Variants in EFHC1 observed in about 807,000 individuals in gnomAD.
The protein encoded by EFHC1 is EF-hand domain containing 1, also known as EF-hand domain-containing protein 1.
A neutral mutation model predicts 69.9 loss-of-function variants in EFHC1; 53 were observed. The ratio of observed to expected loss-of-function variants is 0.76; its 90% CI spans 0.61 to 0.95. The LOEUF (loss-of-function observed/expected upper bound fraction) is 0.95. Ranked by LOEUF, EFHC1 falls within the 40% of genes least tolerant of loss-of-function variation. The pLI is 0.00. For synonymous variants in EFHC1, 256 were observed against 278.4 expected, an observed-to-expected ratio of 0.92 and a Z score of 0.80; for missense variants, 739 against 798.7, an observed-to-expected ratio of 0.93 and a Z score of 0.90.
chr6:52,428,128 A>G (rs530567887), intron 2 of EFHC1: 2 of 152,262 alleles, frequency 1.3e-5, no homozygotes, highest in East Asian at 1.9e-4. Context: ...TTTTCTTTCT[A>G]CGTAACAATC....
chr6:52,469,318 C>T lies in EFHC1; in HGVS notation c.1138-15C>T. On this transcript the variant is annotated splice_polypyrimidine_tract_variant and intron_variant, in intron 6 of 10. Coordinates refer to ENST00000371068, the MANE Select transcript of EFHC1 (RefSeq NM_018100.4). Reference sequence around the variant, plus strand: ...GTAGTATCTGCCTTACTTCTTGCTTCCTATGTATCTCCAGGAGTTGCCTCC... The same window carrying T: ...GTAGTATCTGCCTTACTTCTTGCTTTCTATGTATCTCCAGGAGTTGCCTCC... 6.2e-7 allele frequency: 1 copy of T among 1,613,830 alleles called. No homozygotes were observed. The highest frequency in any genetic ancestry group is 8.5e-7 in the Non-Finnish European group (1 of 1,179,864).
chr6:52,491,491 A>G (rs1377661918), intron 10 of EFHC1, among the ~76,000 whole-genome samples: 2 of 152,204 alleles, frequency 1.3e-5, no homozygotes, highest in African/African-American at 4.8e-5. Flanking sequence ...CTTACTCCTC[A>G]TGAGCTGAGT....
chr6:52,441,217 T>C (rs1764655872), intron 3 of EFHC1, among the ~76,000 whole-genome samples: 1 of 152,200 alleles, frequency 6.6e-6, no homozygotes, highest in South Asian at 2.1e-4. Context: ...CCCATTCCTA[T>C]GTTTAGAATA....
chr6:52,437,589 G>C (rs1034455219), intron 2 of EFHC1: 3 of 152,262 alleles, frequency 2.0e-5, no homozygotes, highest in Non-Finnish European at 2.9e-5. Flanking sequence ...CCAAGATCAA[G>C]GTGCCAGCTG....
chr6:52,462,409 T>TA (rs1266418837), intron 5 of EFHC1, among the ~76,000 whole-genome samples: 4 of 151,718 alleles, frequency 2.6e-5, no homozygotes, highest in Non-Finnish European at 5.9e-5. Context: ...ATTAAAATAT[T>TA]AAGAAATTAA....
chr6:52,453,417 T>C, intron 4 of EFHC1: 1 of 1,287,172 alleles, frequency 7.8e-7, no homozygotes, highest in Non-Finnish European at 1.0e-6. Flanking sequence ...TCCCTTTCTG[T>C]ACTAAAGGGA....
chr6:52,443,441 A>G (rs1764709578), intron 3 of EFHC1, among the ~76,000 whole-genome samples: 1 of 152,088 alleles, frequency 6.6e-6, no homozygotes, highest in Non-Finnish European at 1.5e-5. Flanking sequence ...TAAGTCTTTA[A>G]TCCATCTTGA....
chr6:52,494,641 A>T lies in EFHC1; in HGVS notation c.*2300A>T, dbSNP rs1239682031. On this transcript the variant is annotated 3_prime_UTR_variant, in exon 11 of 11. Transcript: ENST00000371068. ...CAGGTTTGTTACATGAGTATATTGC[A>T]CCCAGGTAGTGAGCATAGTGCCCAG... The T allele has an allele frequency of 2.2e-6, 1 of 453,876 alleles. No homozygotes were observed. Among genetic ancestry groups the T allele is most frequent in the African/African-American group, 2.0e-5 (1 of 49,960 alleles). 28.1% of individuals were successfully genotyped at this position (453,876 alleles called of 1,614,324 possible). A position where few individuals can be genotyped will look rare whatever the true frequency, so the allele number is the denominator to read the frequency against.
chr6:52,460,203 A>G (rs912436859), intron 5 of EFHC1, among the ~76,000 whole-genome samples: 69 of 152,366 alleles, frequency 4.5e-4, no homozygotes, highest in Admixed American at 1.2e-3. Context: ...CTACTAAAAA[A>G]CAAAACAATT....
rs1404876760 is a variant in EFHC1 at position 52,441,384 on chromosome 6, T to C, written c.573+2793T>C. Reference sequence around the variant, plus strand: ...CACCTTTCCCCATTGCTTATTTTTGTCAACTTTGTTGAAGATCACATAATT... The same window carrying C: ...CACCTTTCCCCATTGCTTATTTTTGCCAACTTTGTTGAAGATCACATAATT... On this transcript the variant is annotated intron_variant, in intron 3 of 10. Coordinates refer to ENST00000371068, the MANE Select transcript of EFHC1 (RefSeq NM_018100.4). Among the ~76,000 whole-genome samples the C allele has an allele frequency of 2.0e-5, 3 of 152,184 alleles. No individual in the cohort carries two copies. The East Asian group carries it at 5.8e-4, about 29-fold the overall frequency.
chr6:52,464,759 G>A, intron 5 of EFHC1, 136 bp from the exon 6 acceptor site: 1 of 701,050 alleles, frequency 1.4e-6, no homozygotes, highest in Non-Finnish European at 2.5e-6. Context: ...TGGGAATGTT[G>A]GGGAGACCCT....
chr6:52,476,245 C>T (rs1765543545), intron 7 of EFHC1, among the ~76,000 whole-genome samples: 1 of 152,194 alleles, frequency 6.6e-6, no homozygotes, highest in African/African-American at 2.4e-5. Context: ...TCTGTTTCTT[C>T]TTATTATCAT....
At chr6:52,472,543 A>T (rs1315657832) in intron 7 of EFHC1, among the ~76,000 whole-genome samples, 1 of 152,156 alleles carries the variant, frequency 6.6e-6, no homozygotes, top group Admixed American at 6.5e-5. Flanking sequence ...AGCATCAAAA[A>T]TATTAAATTC....
intron 9 of EFHC1, 31 bp downstream of exon 9, chr6:52,479,818 C>T (rs758091663): frequency 3.1e-6 from 5 of 1,612,564 alleles, no homozygotes; most frequent in African/African-American, 1.3e-5. Flanking sequence ...GTTTGGCACA[C>T]TCAAGATATT....
chr6:52,495,966 G>A lies in EFHC1; in HGVS notation c.*3625G>A, dbSNP rs537272207. Reference sequence around the variant, plus strand: ...CTGTTTATACAAAGCAGCAAGTATAGGAGCCACAAACGTCAGAGCAAATCA... The same window carrying A: ...CTGTTTATACAAAGCAGCAAGTATAAGAGCCACAAACGTCAGAGCAAATCA... On this transcript the variant is annotated 3_prime_UTR_variant, in exon 11 of 11. Transcript: ENST00000371068. 2 of 228,730 alleles carry A rather than the reference G, an allele frequency of 8.7e-6. No homozygotes were observed. Among genetic ancestry groups the A allele is most frequent in the Admixed American group, 1.0e-4 (2 of 19,414 alleles). The allele number at this position is 228,730 out of a possible 1,614,324, so 14.2% of individuals were successfully genotyped here. A position where few individuals can be genotyped will look rare whatever the true frequency, so the allele number is the denominator to read the frequency against.
intron 3 of EFHC1, among the ~76,000 whole-genome samples, chr6:52,448,328 G>T (rs1182597861): frequency 6.6e-6 from 1 of 152,230 alleles, no homozygotes; most frequent in African/African-American, 2.4e-5. Flanking sequence ...ACGCTGCTGT[G>T]CTAGCAGTGA....
chr6:52,432,198 T>C (rs1562444701), intron 2 of EFHC1, among the ~76,000 whole-genome samples: 2 of 152,212 alleles, frequency 1.3e-5, no homozygotes, highest in Non-Finnish European at 2.9e-5. Context: ...CATTCAACAT[T>C]AGTATTAAGA....
At chr6:52,421,551 C>A (rs1764191805) in intron 1 of EFHC1, among the ~76,000 whole-genome samples, 1 of 152,086 alleles carries the variant, frequency 6.6e-6, no homozygotes, top group Non-Finnish European at 1.5e-5. Flanking sequence ...GTAGACTGAT[C>A]ATCATAGATG....
chr6:52,465,392 G>A (rs1471708551), intron 6 of EFHC1, among the ~76,000 whole-genome samples: 2 of 151,938 alleles, frequency 1.3e-5, no homozygotes, highest in Non-Finnish European at 2.9e-5. Flanking sequence ...ATGAAGAAAT[G>A]GGAATTTTCA....
Sources: gnomAD v4.1 joint callset for allele counts (sites outside exome capture counted in the v4.1 genomes callset) on GRCh38, gnomAD v4.1.1 for gene constraint, MANE v1.5 for transcripts, NCBI Gene and HGNC (gene_info 2026-07-23, HGNC 2026-07-21) for gene names.